PIAS2: variants seen among roughly 807,000 people sequenced by gnomAD.
The protein encoded by PIAS2 is E3 SUMO-protein ligase PIAS2.
Under a neutral mutation model 69.7 loss-of-function variants are expected in PIAS2, and 19 were observed. The ratio of observed to expected loss-of-function variants is 0.27; its 90% CI spans 0.19 to 0.40. PIAS2 has a LOEUF of 0.40. PIAS2 is among the 10% of genes least tolerant of loss of function. PIAS2 has a pLI of 1.00. For synonymous variants in PIAS2, 261 were observed against 263.2 expected (o/e 0.99, Z 0.08); for missense variants, 624 against 757.0 (o/e 0.82, Z 2.06).
intron 3 of PIAS2, among the ~76,000 whole-genome samples, chr18:46,863,297 A>G (rs1447428986): frequency 6.6e-6 from 1 of 152,086 alleles, no homozygotes; most frequent in Non-Finnish European, 1.5e-5. Context: ...TTGGGCTACT[A>G]TAAATTCTTT....
chr18:46,893,846 G>A (rs914659331), intron 1 of PIAS2, among the ~76,000 whole-genome samples: 1 of 152,028 alleles, frequency 6.6e-6, no homozygotes, highest in Admixed American at 6.6e-5. Context: ...CCTCTCCTTG[G>A]CCAGGCACAG....
chr18:46,891,159 G>A, intron 1 of PIAS2, 105 bp from the exon 2 acceptor site: 2 of 794,936 alleles, frequency 2.5e-6, no homozygotes, highest in African/African-American at 1.7e-5. Flanking sequence ...TCTATCAATT[G>A]GCATGTGCTA....
chr18:46,865,760 C>T (rs566861147), intron 2 of PIAS2, among the ~76,000 whole-genome samples: 5 of 152,098 alleles, frequency 3.3e-5, no homozygotes, highest in Admixed American at 2.0e-4. Context: ...TTTTTCAGAA[C>T]GCTTTAAAAA....
intron 3 of PIAS2, among the ~76,000 whole-genome samples, chr18:46,863,893 C>T (rs7234512): frequency 0.077 from 11,668 of 152,124 alleles, 485 homozygotes; most frequent in African/African-American, 0.099. Context: ...GGTAGGTCCC[C>T]AATCCAATAT....
intron 8 of PIAS2, among the ~76,000 whole-genome samples, chr18:46,836,825 CA>C (rs1295905593): frequency 6.6e-6 from 1 of 152,108 alleles, no homozygotes; most frequent in African/African-American, 2.4e-5. Flanking sequence ...CACTGTTATC[CA>C]TCTCTTGCAT....
chr18:46,910,895 A>C (rs2057186730), intron 1 of PIAS2, among the ~76,000 whole-genome samples: 1 of 152,222 alleles, frequency 6.6e-6, no homozygotes, highest in African/African-American at 2.4e-5. Flanking sequence ...GAGAACTCAG[A>C]AAGTTTATCA....
chr18:46,841,665 T>C (rs2045407837), intron 8 of PIAS2, among the ~76,000 whole-genome samples: 1 of 152,200 alleles, frequency 6.6e-6, no homozygotes, highest in South Asian at 2.1e-4. Flanking sequence ...TTCATTCTTT[T>C]CTTAGAAAGT....
At chr18:46,836,590 A>G (rs1400636588) in intron 8 of PIAS2, 73 bp from the exon 9 acceptor site, 3 of 1,096,460 alleles carry the variant, frequency 2.7e-6, no homozygotes, top group African/African-American at 1.5e-5. Flanking sequence ...GGTCAGTTGT[A>G]AAAGTCGGAA....
chr18:46,874,149 CA>C (rs1175522506), intron 2 of PIAS2, among the ~76,000 whole-genome samples: 1 of 151,942 alleles, frequency 6.6e-6, no homozygotes, highest in Admixed American at 6.6e-5. Flanking sequence ...GTTTAATATG[CA>C]AAAAAACTAA....
intron 5 of PIAS2, among the ~76,000 whole-genome samples, chr18:46,849,935 G>C (rs1477225749): frequency 6.6e-6 from 1 of 151,988 alleles, no homozygotes; most frequent in Non-Finnish European, 1.5e-5. Context: ...ATTTAACCCA[G>C]ATATTTAACA....
intron 12 of PIAS2, among the ~76,000 whole-genome samples, chr18:46,819,340 A>G (rs2041915271): frequency 6.6e-6 from 1 of 152,162 alleles, no homozygotes; most frequent in Non-Finnish European, 1.5e-5. Context: ...TAGACTTTGT[A>G]TATACTTTAC....
At chr18:46,842,260 AG>A (rs1303690852) in intron 8 of PIAS2, among the ~76,000 whole-genome samples, 1 of 148,972 alleles carries the variant, frequency 6.7e-6, no homozygotes, top group Non-Finnish European at 1.5e-5. Flanking sequence ...AAAAAAAAAA[AG>A]GATATGTTAT....
intron 3 of PIAS2, among the ~76,000 whole-genome samples, chr18:46,860,686 G>A (rs2048521594): frequency 6.6e-6 from 1 of 152,148 alleles, no homozygotes; most frequent in African/African-American, 2.4e-5. Context: ...AAACGGGCTG[G>A]GAATGCTGGC....
intron 1 of PIAS2, among the ~76,000 whole-genome samples, chr18:46,910,377 C>T (rs117912202): frequency 1.9e-3 from 282 of 152,124 alleles, no homozygotes; most frequent in South Asian, 5.8e-3. Context: ...TGTTTACATA[C>T]GCCTTACCTG....
chr18:46,842,894 A>G (rs1156635925), intron 8 of PIAS2, among the ~76,000 whole-genome samples: 3 of 152,202 alleles, frequency 2.0e-5, no homozygotes, highest in African/African-American at 4.8e-5. Flanking sequence ...ATATCAAAAA[A>G]TTATATTTCA....
At chr18:46,857,709 G>C (rs1254145523) in intron 3 of PIAS2, among the ~76,000 whole-genome samples, 2 of 152,156 alleles carry the variant, frequency 1.3e-5, no homozygotes, top group Non-Finnish European at 2.9e-5. Context: ...ATTCTGGCAA[G>C]GGAAATTAAC....
intron 1 of PIAS2, among the ~76,000 whole-genome samples, chr18:46,908,640 A>T (rs2056905622): frequency 6.6e-6 from 1 of 152,240 alleles, no homozygotes; most frequent in African/African-American, 2.4e-5. Context: ...TTCTTCAACA[A>T]GATTCAAAAG....
chr18:46,869,420 T>C (rs1335336583), intron 2 of PIAS2, among the ~76,000 whole-genome samples: 2 of 130,990 alleles, frequency 1.5e-5, no homozygotes, highest in South Asian at 2.5e-4. Context: ...AAATCTCTAA[T>C]ACAAGGGATT....
At chr18:46,822,723 CAA>C (rs1169902506) in intron 11 of PIAS2, among the ~76,000 whole-genome samples, 1 of 152,030 alleles carries the variant, frequency 6.6e-6, no homozygotes, top group African/African-American at 2.4e-5. Flanking sequence ...CTCTCACACA[CAA>C]GAGTTTATAT....
Sources: allele counts gnomAD v4.1 joint callset (sites outside exome capture counted in the v4.1 genomes callset), GRCh38; gene constraint gnomAD v4.1.1; transcripts MANE v1.5; gene names NCBI Gene and HGNC (gene_info 2026-07-23, HGNC 2026-07-21).